NRIP1: variants seen among roughly 807,000 people sequenced by gnomAD.
NRIP1 encodes the protein nuclear receptor interacting protein 1.
Under a neutral mutation model 75.0 loss-of-function variants are expected in NRIP1, and 28 were observed. The ratio of observed to expected loss-of-function variants is 0.37; its 90% confidence interval spans 0.28 to 0.51. The LOEUF (loss-of-function observed/expected upper bound fraction) is 0.51, where lower values mean the gene tolerates loss of function less well. Ranked by LOEUF, NRIP1 falls within the 20% of genes least tolerant of loss-of-function variation. The pLI is 0.92. For synonymous variants in NRIP1, 526 were observed against 487.6 expected, an observed-to-expected ratio of 1.08 and a Z score of -1.04; for missense variants, 1,435 against 1,343.7, an observed-to-expected ratio of 1.07 and a Z score of -1.06.
chr21:14,966,457 GA>G lies in NRIP1; in HGVS notation c.1735del (p.Ser579ProfsTer13). ...SQHSLVIKWNSPPYVCSTQSE... is the reference protein window; with the variant it reads ...SQHSLVIKWNXPPYVCSTQSE... ...CTGAGTACTGCAGACATATGGTGGG[GA>G]ATTCCATTTGATGACCAGAGAGTGT... On this transcript the variant is annotated frameshift_variant, in exon 4 of 4. Coordinates refer to ENST00000318948, the MANE Select transcript of NRIP1 (RefSeq NM_003489.4). LOFTEE classifies it high-confidence loss of function. The G allele has an allele frequency of 6.2e-7, 1 of 1,614,114 alleles. No homozygotes were observed. The highest frequency in any genetic ancestry group is 2.2e-5 in the East Asian group (1 of 44,880).
intron 1 of NRIP1, among the ~76,000 whole-genome samples, chr21:15,048,425 A>G (rs575834297): frequency 6.6e-6 from 1 of 152,372 alleles, no homozygotes; most frequent in Admixed American, 6.5e-5. Context: ...ACCTAAGTGT[A>G]TAAGTCAAAG....
chr21:15,005,982 C>T (rs928423308), intron 3 of NRIP1, among the ~76,000 whole-genome samples: 3 of 151,852 alleles, frequency 2.0e-5, no homozygotes, highest in Non-Finnish European at 4.4e-5. Context: ...CAGGTTAAGA[C>T]TAAAAAATAT....
At chr21:15,041,111 C>G (rs1600914382) in intron 2 of NRIP1, among the ~76,000 whole-genome samples, 1 of 151,922 alleles carries the variant, frequency 6.6e-6, no homozygotes, top group African/African-American at 2.4e-5. Flanking sequence ...TGTCCACTTA[C>G]AGTGGAATGG....
chr21:15,007,758 G>C (rs1568975672), intron 3 of NRIP1, among the ~76,000 whole-genome samples: 1 of 151,802 alleles, frequency 6.6e-6, no homozygotes, highest in East Asian at 1.9e-4. Context: ...ACGCTAATGA[G>C]AAAAAAAATT....
At chr21:15,023,215 T>C (rs2088423447) in intron 2 of NRIP1, among the ~76,000 whole-genome samples, 1 of 152,236 alleles carries the variant, frequency 6.6e-6, no homozygotes, top group South Asian at 2.1e-4. Context: ...ATTTATAGTA[T>C]GTAAATTATA....
At chr21:15,050,674 G>C (rs775316993) in intron 1 of NRIP1, 1 of 454,690 alleles carries the variant, frequency 2.2e-6, no homozygotes, top group East Asian at 6.9e-5. Context: ...AAGTACATAT[G>C]TGTGTATTGT....
intron 3 of NRIP1, among the ~76,000 whole-genome samples, chr21:14,984,948 T>A (rs2087353238): frequency 6.6e-6 from 1 of 152,186 alleles, no homozygotes; most frequent in Non-Finnish European, 1.5e-5. Flanking sequence ...TATGGCACAC[T>A]TAACAGACTA....
chr21:15,037,783 T>A (rs1417977550), intron 2 of NRIP1, among the ~76,000 whole-genome samples: 1 of 152,150 alleles, frequency 6.6e-6, no homozygotes, highest in Non-Finnish European at 1.5e-5. Context: ...AGGAACCAGG[T>A]AGAAATAGGA....
rs2086610219 is a variant in NRIP1 at position 14,962,165 on chromosome 21, G to T, written c.*2551C>A. 2 of 151,288 alleles carry T rather than the reference G, an allele frequency of 1.3e-5. No individual in the cohort carries two copies. The highest frequency in any genetic ancestry group is 4.2e-4 in the South Asian group (2 of 4,804). 9.4% of individuals were successfully genotyped at this position (151,288 alleles called of 1,614,324 possible). A position where few individuals can be genotyped will look rare whatever the true frequency, so the allele number is the denominator to read the frequency against. ...CCTTTCACAAATGACTTTATTAGAA[G>T]AAATTGTCTAGATATCTAAAATAGT... On this transcript the variant is annotated 3_prime_UTR_variant, in exon 4 of 4. Transcript: ENST00000318948.
chr21:14,993,122 G>A (rs2087618703), intron 3 of NRIP1, among the ~76,000 whole-genome samples: 1 of 151,984 alleles, frequency 6.6e-6, no homozygotes, highest in Non-Finnish European at 1.5e-5. Flanking sequence ...CAATTGCAAA[G>A]GGAAACCTTG....
At chr21:15,007,217 A>G (rs545209627) in intron 3 of NRIP1, among the ~76,000 whole-genome samples, 104 of 152,332 alleles carry the variant, frequency 6.8e-4, no homozygotes, top group Non-Finnish European at 1.2e-3. Context: ...CAAAACCAGA[A>G]GCTATGGGAG....
chr21:14,985,635 G>T (rs1399586943), intron 3 of NRIP1, among the ~76,000 whole-genome samples: 2 of 152,042 alleles, frequency 1.3e-5, no homozygotes, highest in East Asian at 1.9e-4. Context: ...TTTGTAAGAT[G>T]ATCTTTATTT....
chr21:14,999,951 T>C (rs1158647729), intron 3 of NRIP1, among the ~76,000 whole-genome samples: 2 of 152,228 alleles, frequency 1.3e-5, no homozygotes, highest in Non-Finnish European at 2.9e-5. Context: ...TTTGTTGATA[T>C]TGGTTAATAA....
chr21:15,041,361 A>G (rs2823018), intron 2 of NRIP1, among the ~76,000 whole-genome samples: 24,890 of 152,120 alleles, frequency 0.16, 2,522 homozygotes, highest in Admixed American at 0.23. Flanking sequence ...TACACAAATT[A>G]CAATAAGCCT....
intron 3 of NRIP1, among the ~76,000 whole-genome samples, chr21:14,989,020 G>A (rs932158033): frequency 1.3e-5 from 2 of 152,128 alleles, no homozygotes; most frequent in South Asian, 2.1e-4. Flanking sequence ...AAAGTACTCC[G>A]ATCACCAGGT....
intron 1 of NRIP1, among the ~76,000 whole-genome samples, chr21:15,054,668 T>A (rs546675871): frequency 6.6e-6 from 1 of 152,334 alleles, no homozygotes; most frequent in African/African-American, 2.4e-5. Context: ...ACAACTGCTA[T>A]GCATAAATAC....
intron 3 of NRIP1, among the ~76,000 whole-genome samples, chr21:14,975,197 T>C (rs2146979502): frequency 6.9e-6 from 1 of 145,484 alleles, no homozygotes; most frequent in Non-Finnish European, 1.6e-5. Flanking sequence ...GTGGTATTGC[T>C]TATATAATCA....
intron 2 of NRIP1, among the ~76,000 whole-genome samples, chr21:15,024,575 T>A (rs2088469245): frequency 6.6e-6 from 1 of 151,024 alleles, no homozygotes; most frequent in Admixed American, 6.6e-5. Context: ...AGAGTGTGTG[T>A]GTGTGTGTGT....
At chr21:15,004,941 G>C (rs775205646) in intron 3 of NRIP1, among the ~76,000 whole-genome samples, 1 of 152,152 alleles carries the variant, frequency 6.6e-6, no homozygotes, top group Non-Finnish European at 1.5e-5. Flanking sequence ...GGAAAAGTGT[G>C]TAACTCCTAG....
Sources: allele counts gnomAD v4.1 joint callset (sites outside exome capture counted in the v4.1 genomes callset), GRCh38; gene constraint gnomAD v4.1.1; transcripts MANE v1.5; gene names NCBI Gene and HGNC (gene_info 2026-07-23, HGNC 2026-07-21).